The following KMT2A variants were observed in gnomAD, a reference collection of about 807,000 sequenced individuals.
KMT2A encodes the protein lysine methyltransferase 2A.
In KMT2A, 16 loss-of-function variants were observed where a neutral mutation model predicts 345.3. The ratio of observed to expected loss-of-function variants is 0.05; its 90% confidence interval spans 0.03 to 0.07. The LOEUF is 0.07. KMT2A is among the 10% of genes least tolerant of loss of function. KMT2A has a pLI of 1.00. For synonymous variants in KMT2A, 1,599 were observed against 1,778.6 expected (o/e 0.90, Z 2.54); for missense variants, 3,272 against 4,841.6 (o/e 0.68, Z 9.62).
chr11:118,448,425 GT>G (rs1949465691), intron 1 of KMT2A: 1 of 152,134 alleles, frequency 6.6e-6, no homozygotes, highest in Non-Finnish European at 1.5e-5. Flanking sequence ...TTGAGGCTGT[GT>G]AGAGGGCTTG....
chr11:118,447,876 GA>G, intron 1 of KMT2A: 2 of 227,666 alleles, frequency 8.8e-6, no homozygotes, highest in South Asian at 1.0e-4. Context: ...GTTGTGTAAA[GA>G]ACTTATTGGT....
chr11:118,491,336 TCA>T lies in KMT2A; in HGVS notation c.4819+19_4819+20del. On this transcript the variant is annotated intron_variant, in intron 14 of 35. Transcript: ENST00000534358. This position sits in a 1 kb window ranked among gnomAD's most constrained non-coding sequence, Gnocchi z 4.2. The stretch of plus-strand genomic sequence containing the variant: ...TACAGAAGGTTGGAGTCTTTTTATT[TCA>T]GTTTTCTTCTTTCTAGGTACTACTA... 1 of 1,609,918 alleles carries T rather than the reference TCA, an allele frequency of 6.2e-7. No individual in the cohort carries two copies. Among genetic ancestry groups the T allele is most frequent in the South Asian group, 1.1e-5 (1 of 90,152 alleles).
chr11:118,505,803 T>G lies in KMT2A; in HGVS notation c.9911T>G (p.Leu3304Arg). ...SSIMYFEPAP[L>R]LPQSVGGTAA... ...ATCATGTATTTTGAACCGGCACCCCTGTTACCACAGAGTGTGGGAGGAACT... is the reference window on the plus strand; with the variant it reads ...ATCATGTATTTTGAACCGGCACCCCGGTTACCACAGAGTGTGGGAGGAACT... The change falls in exon 27 of 36, where the codon CTG (leucine) becomes CGG (arginine). Residue 3304 changes from leucine (L) to arginine (R), a missense_variant. Coordinates refer to ENST00000534358, the MANE Select transcript of KMT2A (RefSeq NM_001197104.2). The surrounding 1 kb of genome is among the most constrained non-coding windows in gnomAD (Gnocchi z 4.6). 1.2e-6 allele frequency: 2 copies of G among 1,614,174 alleles called. No homozygotes were observed. The highest frequency in any genetic ancestry group is 1.7e-6 in the Non-Finnish European group (2 of 1,180,028).
At position 118,496,141 on chromosome 11, in the gene KMT2A, T is replaced by C; in HGVS notation, c.5558-120T>C. Reference sequence around the variant, plus strand: ...ACTCTGAACACTTTTTGAAAAGTGGTTATTTTATAGGCTGTGGGCTATGTA... The same window carrying C: ...ACTCTGAACACTTTTTGAAAAGTGGCTATTTTATAGGCTGTGGGCTATGTA... On this transcript the variant is annotated intron_variant, in intron 19 of 35. Coordinates refer to ENST00000534358, the MANE Select transcript of KMT2A (RefSeq NM_001197104.2). This position sits in a 1 kb window ranked among gnomAD's most constrained non-coding sequence, Gnocchi z 4.7. The C allele has an allele frequency of 1.3e-6, 1 of 787,388 alleles. No homozygotes were observed. 48.8% of individuals were successfully genotyped at this position (787,388 alleles called of 1,614,324 possible).
chr11:118,506,457 C>T lies in KMT2A; in HGVS notation c.10565C>T (p.Pro3522Leu). ...TCTCCTGGGGGTTCTCCATCCTCTC[C>T]ATCTTCTGGACAGCGGTCAGCAAGC... ...PTSPGGSPSS[P>L]SSGQRSASPS... is the part of the protein sequence containing the mutation. The change falls in exon 27 of 36, where the codon CCA (proline) becomes CTA (leucine). Residue 3522 changes from proline (P) to leucine (L), a missense_variant. By Grantham distance (98) the Pro-to-Leu change is moderately conservative. This residue lies in a region of KMT2A where 748 missense variants were observed against 922.2 expected (regional missense o/e 0.81). Coordinates refer to ENST00000534358, the MANE Select transcript of KMT2A (RefSeq NM_001197104.2). The T allele has an allele frequency of 6.2e-7, 1 of 1,614,210 alleles. No individual in the cohort carries two copies. Among genetic ancestry groups the T allele is most frequent in the Non-Finnish European group, 8.5e-7 (1 of 1,180,040 alleles).
intron 24 of KMT2A, 130 bp downstream of exon 24, chr11:118,500,043 T>C (rs1591277173): frequency 1.6e-6 from 1 of 615,524 alleles, no homozygotes; most frequent in East Asian, 2.9e-5. Context: ...ATCACTTATT[T>C]TGCTAGTTCT....
Position 118,494,396 on chromosome 11 carries a change from C to CACCCGAATGAAGAA in KMT2A, c.5287_5288insACCCGAATGAAGAA (p.Arg1763HisfsTer65). The CACCCGAATGAAGAA allele has an allele frequency of 6.6e-7, 1 of 1,507,952 alleles. No individual in the cohort carries two copies. Among genetic ancestry groups the CACCCGAATGAAGAA allele is most frequent in the Non-Finnish European group, 9.2e-7 (1 of 1,083,802 alleles). The allele number at this position is 1,507,952 out of a possible 1,614,324, so 93.4% of individuals were successfully genotyped here. A position where few individuals can be genotyped will look rare whatever the true frequency, so the allele number is the denominator to read the frequency against. ...CAGCATGGTCAAGTCCTTCTTCATTCGGGTGAATGATATTACTAATTCATG... is the reference window on the plus strand; with the variant it reads ...CAGCATGGTCAAGTCCTTCTTCATTCACCCGAATGAAGAAGGGTGAATGATATTACTAATTCATG... On this transcript the variant is annotated frameshift_variant and splice_region_variant, in exon 17 of 36. Coordinates refer to ENST00000534358, the MANE Select transcript of KMT2A (RefSeq NM_001197104.2). LOFTEE classifies it high-confidence loss of function. The surrounding 1 kb of genome is among the most constrained non-coding windows in gnomAD (Gnocchi z 5.8).
Position 118,512,009 on chromosome 11 carries a change from G to A in KMT2A, c.11130G>A (p.Lys3710=), listed in dbSNP as rs1555050227. Reference sequence around the variant, plus strand: ...AAGCTCGATCAAATGCCCGCCTAAAGCAGCTCTCATTTGCAGGTAATGGCT... The same window carrying A: ...AAGCTCGATCAAATGCCCGCCTAAAACAGCTCTCATTTGCAGGTAATGGCT... ...VQEARSNARL[K]QLSFAGVNGL... Residue 3710 remains lysine (K), a synonymous_variant, in exon 31 of 36, where the codon AAG becomes AAA. Transcript: ENST00000534358. 1.9e-6 allele frequency: 3 copies of A among 1,613,942 alleles called. No homozygotes were observed. Among genetic ancestry groups the A allele is most frequent in the Non-Finnish European group, 2.5e-6 (3 of 1,179,960 alleles).
chr11:118,444,746 T>C (rs1273070166), intron 1 of KMT2A, among the ~76,000 whole-genome samples: 1 of 152,148 alleles, frequency 6.6e-6, no homozygotes, highest in African/African-American at 2.4e-5. Flanking sequence ...GCTAATTGTT[T>C]TATTTGTTGT....
chr11:118,502,708 A>G lies in KMT2A; in HGVS notation c.6816A>G (p.Thr2272=), dbSNP rs782629519. Residue 2272 remains threonine (T), a synonymous_variant, in exon 27 of 36, where the codon ACA becomes ACG. Transcript: ENST00000534358. This position sits in a 1 kb window ranked among gnomAD's most constrained non-coding sequence, Gnocchi z 4.9. ...CCACCTCTTCAAATTTGCAAAGGAC[A>G]GTGGTTACTGTAGGCAATAAAAACA... ...NTSTSSNLQR[T]VVTVGNKNSH... 1.9e-6 allele frequency: 3 copies of G among 1,614,078 alleles called. No individual in the cohort carries two copies. The highest frequency in any genetic ancestry group is 1.7e-5 in the Admixed American group (1 of 60,006).
At position 118,510,452 on chromosome 11, in the gene KMT2A, C is replaced by T. The variant is rs782154992; in HGVS notation, c.11071+334C>T. Among the ~76,000 whole-genome samples, 43 of 152,122 alleles carry T rather than the reference C, an allele frequency of 2.8e-4. No individual in the cohort carries two copies. Among genetic ancestry groups the T allele is most frequent in the Non-Finnish European group, 5.6e-4 (38 of 68,026 alleles). ...TCTCTCTCCCTTGTGTGCCTTCACA[C>T]GTGCTTTCTCCTCTGCCTGGAGTTC... On this transcript the variant is annotated intron_variant, in intron 30 of 35. Transcript: ENST00000534358. The surrounding 1 kb of genome is among the most constrained non-coding windows in gnomAD (Gnocchi z 4.1).
At position 118,495,919 on chromosome 11, in the gene KMT2A, A is replaced by C; in HGVS notation, c.5557+26A>C. ...GTAAGCCACCAAAAGGAGAGTCGTC[A>C]CCCATTTCCCTCTAGATGCAGATGA... On this transcript the variant is annotated intron_variant, in intron 19 of 35. Coordinates refer to ENST00000534358, the MANE Select transcript of KMT2A (RefSeq NM_001197104.2). This position sits in a 1 kb window ranked among gnomAD's most constrained non-coding sequence, Gnocchi z 4.1. 6.4e-7 allele frequency: 1 copy of C among 1,561,096 alleles called. No individual in the cohort carries two copies. Among genetic ancestry groups the C allele is most frequent in the Non-Finnish European group, 8.7e-7 (1 of 1,144,584 alleles).
rs572783697 is a variant in KMT2A at position 118,481,789 on chromosome 11, G to A, written c.3709G>A (p.Val1237Met). 5.0e-6 allele frequency: 8 copies of A among 1,614,170 alleles called. No homozygotes were observed. In the East Asian group the frequency reaches 8.9e-5, roughly 18 times the overall value. The change falls in exon 7 of 36, where the codon GTG becomes ATG. Residue 1237 changes from valine to methionine, a missense_variant. Transcript: ENST00000534358. Reference protein sequence around the residue: ...DSKESSVVKNVVDSSQKPTPS... With the variant: ...DSKESSVVKNMVDSSQKPTPS... ...CAAAGAGAGCAGTGTTGTGAAGAAC[G>A]TGGTGGACTCTAGTCAGAAACCTAC...
Position 118,484,087 on chromosome 11 carries a change from C to T in KMT2A, c.4087-96C>T. 2 of 1,166,488 alleles carry T rather than the reference C, an allele frequency of 1.7e-6. No individual in the cohort carries two copies. The highest frequency in any genetic ancestry group is 1.2e-6 in the Non-Finnish European group (1 of 815,490). The allele number at this position is 1,166,488 out of a possible 1,614,324, so 72.3% of individuals were successfully genotyped here. A position where few individuals can be genotyped will look rare whatever the true frequency, so the allele number is the denominator to read the frequency against. ...TATGTTGGAAACATGTTTTTTAGAT[C>T]TATTAATAAAATTTGTCATTTGCAT... is the stretch of plus-strand genomic sequence containing the variant. On this transcript the variant is annotated intron_variant, in intron 8 of 35. Coordinates refer to ENST00000534358, the MANE Select transcript of KMT2A (RefSeq NM_001197104.2). The surrounding 1 kb of genome is among the most constrained non-coding windows in gnomAD (Gnocchi z 4.1).
intron 24 of KMT2A, among the ~76,000 whole-genome samples, chr11:118,500,196 T>G (rs575133150): frequency 2.6e-5 from 4 of 152,284 alleles, no homozygotes; most frequent in Admixed American, 2.6e-4. Flanking sequence ...TCCTCCAAAT[T>G]CCATTCATCT....
rs771532622 is a variant in KMT2A at position 118,493,119 on chromosome 11, C to G, written c.5067C>G (p.Pro1689=). ...TEESIPSRSS[P]EGPDPPVLTE... The stretch of plus-strand genomic sequence containing the variant: ...AGAGTATACCTTCCCGCAGCTCCCC[C>G]GAAGGACCTGATCCACCAGTTCTTA... The change falls in exon 16 of 36, where the codon CCC becomes CCG. Residue 1689 remains proline, a synonymous_variant. Coordinates refer to ENST00000534358, the MANE Select transcript of KMT2A (RefSeq NM_001197104.2). The surrounding 1 kb of genome is among the most constrained non-coding windows in gnomAD (Gnocchi z 5.8). 3.3e-5 allele frequency: 53 copies of G among 1,614,012 alleles called. No homozygotes were observed. The highest frequency in any genetic ancestry group is 4.3e-5 in the Non-Finnish European group (51 of 1,179,966).
intron 1 of KMT2A, chr11:118,448,278 G>T (rs148519313): frequency 1.3e-5 from 2 of 152,196 alleles, no homozygotes; most frequent in Non-Finnish European, 1.5e-5. Flanking sequence ...ATTTAAAGAG[G>T]TATAGTTCAG....
At chr11:118,458,218 G>T in intron 1 of KMT2A, 2 of 336,510 alleles carry the variant, frequency 5.9e-6, no homozygotes. Flanking sequence ...CAAGTAGCTG[G>T]GACTACAGGC....
Position 118,505,860 on chromosome 11 carries a change from G to A in KMT2A, c.9968G>A (p.Ser3323Asn). The change falls in exon 27 of 36, where the codon AGC becomes AAC. Residue 3323 changes from serine (S) to asparagine (N), a missense_variant. Physicochemically the swap from Ser to Asn is conservative, Grantham distance 46 (BLOSUM62 1). Transcript: ENST00000534358. The surrounding 1 kb of genome is among the most constrained non-coding windows in gnomAD (Gnocchi z 4.6). The part of the protein sequence containing the change: ...AATAAGTSTI[S>N]QDTSHLTSGS... The stretch of plus-strand genomic sequence containing the variant: ...ACAGCGGCAGGCACATCAACAATAA[G>A]CCAGGATACTAGCCACCTCACATCA... The A allele has an allele frequency of 6.2e-7, 1 of 1,614,154 alleles. No individual in the cohort carries two copies. Among genetic ancestry groups the A allele is most frequent in the Non-Finnish European group, 8.5e-7 (1 of 1,180,020 alleles).
Sources: gnomAD v4.1 joint callset for allele counts (sites outside exome capture counted in the v4.1 genomes callset) on GRCh38, gnomAD v4.1.1 for gene constraint, gnomAD v4.1.1 regional missense constraint, Gnocchi (gnomAD v3.1) non-coding constraint, MANE v1.5 for transcripts, NCBI Gene and HGNC (gene_info 2026-07-23, HGNC 2026-07-21) for gene names.